The following TRAPPC9 variants were observed in gnomAD, a reference collection of about 807,000 sequenced individuals.
The protein encoded by TRAPPC9 is IKK2 binding protein.
In TRAPPC9, 83 loss-of-function variants were observed where a neutral mutation model predicts 124.0. The ratio of observed to expected loss-of-function variants is 0.67; its 90% CI spans 0.56 to 0.80. The LOEUF (loss-of-function observed/expected upper bound fraction) is 0.80. TRAPPC9 is among the 30% of genes least tolerant of loss of function. The pLI, the probability that TRAPPC9 is intolerant of heterozygous loss-of-function variation, is 0.00. For missense variants in TRAPPC9, 1,302 were observed against 1,508.3 expected (o/e 0.86, Z 2.27); for synonymous variants, 638 against 617.5 (o/e 1.03, Z -0.49).
chr8:139,750,180 C>T (rs1346499651), intron 21 of TRAPPC9, among the ~76,000 whole-genome samples: 1 of 152,158 alleles, frequency 6.6e-6, no homozygotes, highest in Non-Finnish European at 1.5e-5. Flanking sequence ...GCCCAACCTC[C>T]CCTGCTCCCC....
At chr8:140,360,871 G>T (rs1374659296) in intron 8 of TRAPPC9, among the ~76,000 whole-genome samples, 2 of 152,158 alleles carry the variant, frequency 1.3e-5, no homozygotes. Context: ...CTGCGTAGCT[G>T]GGACTACAGT....
chr8:139,794,646 C>A (rs935063367), intron 21 of TRAPPC9, among the ~76,000 whole-genome samples: 2 of 152,212 alleles, frequency 1.3e-5, no homozygotes, highest in Admixed American at 6.5e-5. Context: ...ATCCTCTTGG[C>A]TCCCGTTCCT....
intron 21 of TRAPPC9, among the ~76,000 whole-genome samples, chr8:139,739,123 A>C (rs966558468): frequency 6.6e-6 from 1 of 152,118 alleles, no homozygotes; most frequent in African/African-American, 2.4e-5. Context: ...ACCGGGCACC[A>C]CGGGGTCTCA....
intron 7 of TRAPPC9, among the ~76,000 whole-genome samples, chr8:140,383,337 A>C (rs57815634): frequency 0.032 from 4,925 of 152,322 alleles, 264 homozygotes; most frequent in African/African-American, 0.11. Flanking sequence ...AGTTGAGAGA[A>C]GAAGGCTTCA....
intron 4 of TRAPPC9, among the ~76,000 whole-genome samples, chr8:140,429,167 C>T (rs2070538322): frequency 6.6e-6 from 1 of 151,888 alleles, no homozygotes; most frequent in South Asian, 2.1e-4. Context: ...CTGCAACCTC[C>T]GCTTCCCGGG....
At chr8:140,009,670 G>T (rs181977015) in intron 18 of TRAPPC9, among the ~76,000 whole-genome samples, 28 of 152,256 alleles carry the variant, frequency 1.8e-4, no homozygotes, top group African/African-American at 6.3e-4. Context: ...GAATTACTGC[G>T]GCAGGACTGA....
At chr8:139,818,670 T>C (rs1457928815) in intron 21 of TRAPPC9, among the ~76,000 whole-genome samples, 2 of 152,222 alleles carry the variant, frequency 1.3e-5, no homozygotes, top group African/African-American at 2.4e-5. Context: ...TGACTTTTAA[T>C]ATTTGCCAAT....
chr8:139,831,513 T>C (rs945853653), intron 21 of TRAPPC9, among the ~76,000 whole-genome samples: 2 of 152,074 alleles, frequency 1.3e-5, no homozygotes, highest in African/African-American at 2.4e-5. Context: ...ACAAATCACC[T>C]CAATTTAACT....
At chr8:140,457,264 G>A (rs1462726257) in intron 1 of TRAPPC9, among the ~76,000 whole-genome samples, 5 of 152,186 alleles carry the variant, frequency 3.3e-5, no homozygotes, top group Non-Finnish European at 7.3e-5. Flanking sequence ...GGCCCGGGAG[G>A]GGAAGCCAGG....
intron 17 of TRAPPC9, among the ~76,000 whole-genome samples, chr8:140,070,302 TATGTGTTAAC>T: frequency 6.6e-6 from 1 of 152,364 alleles, no homozygotes; most frequent in Non-Finnish European, 1.5e-5. Flanking sequence ...GCACAGATGA[TATGTGTTAAC>T]ATGCAGCCTT....
At chr8:140,123,412 C>A (rs531957406) in intron 17 of TRAPPC9, among the ~76,000 whole-genome samples, 2 of 152,312 alleles carry the variant, frequency 1.3e-5, no homozygotes, top group Admixed American at 1.3e-4. Flanking sequence ...AGACCTCAGA[C>A]CCCTGCACGT....
intron 19 of TRAPPC9, among the ~76,000 whole-genome samples, chr8:139,935,277 A>G (rs1833441161): frequency 6.6e-6 from 1 of 152,122 alleles, no homozygotes; most frequent in Non-Finnish European, 1.5e-5. Flanking sequence ...AAAAAATTAC[A>G]CGTGCTTTTG....
intron 17 of TRAPPC9, among the ~76,000 whole-genome samples, chr8:140,118,992 G>A (rs189716655): frequency 1.8e-4 from 27 of 152,358 alleles, no homozygotes; most frequent in South Asian, 4.1e-4. Flanking sequence ...GTTAACTACC[G>A]TCAAGGGTCT....
intron 21 of TRAPPC9, among the ~76,000 whole-genome samples, chr8:139,759,040 G>A (rs765016308): frequency 3.3e-5 from 5 of 152,212 alleles, no homozygotes; most frequent in Admixed American, 1.3e-4. Flanking sequence ...CTCAGCATGC[G>A]CAGTGGTAGA....
intron 17 of TRAPPC9, among the ~76,000 whole-genome samples, chr8:140,158,457 G>GA (rs1459341109): frequency 1.3e-5 from 2 of 152,240 alleles, no homozygotes; most frequent in Non-Finnish European, 2.9e-5. Flanking sequence ...CAGGAGGGCA[G>GA]GGAGACAGAC....
chr8:139,921,711 G>A (rs971070646), intron 19 of TRAPPC9, among the ~76,000 whole-genome samples: 1 of 150,656 alleles, frequency 6.6e-6, no homozygotes, highest in African/African-American at 2.4e-5. Flanking sequence ...GACCCTGGAT[G>A]ATCATCTGAG....
At chr8:140,385,795 G>T (rs971550268) in intron 7 of TRAPPC9, among the ~76,000 whole-genome samples, 2 of 152,270 alleles carry the variant, frequency 1.3e-5, no homozygotes, top group African/African-American at 4.8e-5. Flanking sequence ...GAAAAAGAGG[G>T]AATCCTCCCT....
chr8:140,275,511 C>A (rs961629287), intron 15 of TRAPPC9, 147 bp downstream of exon 15: 45 of 853,828 alleles, frequency 5.3e-5, no homozygotes, highest in Non-Finnish European at 8.4e-5. Flanking sequence ...AAGCTCTCAG[C>A]CTGTAAGCCC....
chr8:140,116,565 T>C (rs1409848081), intron 17 of TRAPPC9, among the ~76,000 whole-genome samples: 1 of 152,186 alleles, frequency 6.6e-6, no homozygotes, highest in Middle Eastern at 3.2e-3. Context: ...ATGCCTGTAA[T>C]TTACAAATTT....
Sources: gnomAD v4.1 joint callset for allele counts (sites outside exome capture counted in the v4.1 genomes callset) on GRCh38, gnomAD v4.1.1 for gene constraint, MANE v1.5 for transcripts, NCBI Gene and HGNC (gene_info 2026-07-23, HGNC 2026-07-21) for gene names.